Variants in PCDH15 observed in about 807,000 individuals in gnomAD.
The protein encoded by PCDH15 is protocadherin-15.
Under a neutral mutation model 178.5 loss-of-function variants are expected in PCDH15, and 129 were observed. The observed-to-expected ratio is 0.72, with a 90% CI of 0.63 to 0.84. PCDH15 has a LOEUF of 0.84. Ranked by LOEUF, PCDH15 falls within the 40% of genes least tolerant of loss-of-function variation. The pLI is 0.00. For synonymous variants in PCDH15, 800 were observed against 732.0 expected (o/e 1.09, Z -1.50); for missense variants, 2,230 against 2,099.9 (o/e 1.06, Z -1.21).
intron 18 of PCDH15, among the ~76,000 whole-genome samples, chr10:54,030,764 C>T (rs2093269499): frequency 1.3e-5 from 2 of 152,006 alleles, no homozygotes; most frequent in Non-Finnish European, 2.9e-5. Context: ...TTATATCCCT[C>T]AGACTAACTC....
At chr10:54,316,835 C>T (rs2061306765) in intron 8 of PCDH15, among the ~76,000 whole-genome samples, 1 of 152,128 alleles carries the variant, frequency 6.6e-6, no homozygotes, top group South Asian at 2.1e-4. Context: ...TTAGCTCCTA[C>T]CTTCAAACGG....
intron 2 of PCDH15, among the ~76,000 whole-genome samples, chr10:54,608,743 T>C (rs2092856966): frequency 6.6e-6 from 1 of 152,078 alleles, no homozygotes; most frequent in Admixed American, 6.6e-5. Flanking sequence ...TAAGGGTGTC[T>C]TGGCTTGTTT....
chr10:55,194,244 C>T (rs542064384), intron 1 of PCDH15, among the ~76,000 whole-genome samples: 3 of 152,108 alleles, frequency 2.0e-5, no homozygotes, highest in South Asian at 2.1e-4. Flanking sequence ...ATTACAATTT[C>T]CCCTTGGTGT....
chr10:54,221,088 G>A (rs1253950515), intron 9 of PCDH15, among the ~76,000 whole-genome samples: 1 of 152,046 alleles, frequency 6.6e-6, no homozygotes, highest in East Asian at 1.9e-4. Flanking sequence ...ACCTACTGGG[G>A]AGGTTCTTTA....
chr10:55,601,976 A>G (rs1039514653), intron 2 of PCDH15, among the ~76,000 whole-genome samples: 1 of 152,076 alleles, frequency 6.6e-6, no homozygotes, highest in Admixed American at 6.5e-5. Context: ...CATCTGAGGT[A>G]CCAGGTTCAT....
intron 28 of PCDH15, among the ~76,000 whole-genome samples, chr10:53,850,371 T>A (rs993589832): frequency 6.6e-5 from 10 of 152,122 alleles, no homozygotes; most frequent in Non-Finnish European, 1.0e-4. Context: ...TATCTTCAGT[T>A]CTGTAAAGAA....
At chr10:55,416,361 T>C (rs147687188) in intron 2 of PCDH15, among the ~76,000 whole-genome samples, 349 of 151,902 alleles carry the variant, frequency 2.3e-3, no homozygotes, top group African/African-American at 8.0e-3. Flanking sequence ...TAAGCCTTGC[T>C]ATCCATCATA....
chr10:54,081,649 A>T (rs1387666004), intron 16 of PCDH15, among the ~76,000 whole-genome samples: 5 of 152,138 alleles, frequency 3.3e-5, no homozygotes, highest in African/African-American at 1.2e-4. Context: ...GAAATAGCTC[A>T]CAAAAAGTCT....
At chr10:53,825,125 T>C (rs2076591702) in intron 32 of PCDH15, 2 of 1,540,352 alleles carry the variant, frequency 1.3e-6, no homozygotes, top group East Asian at 4.8e-5. Context: ...AGAGTGATAT[T>C]ATTTACTTAC....
At chr10:54,620,677 T>C (rs948117635) in intron 2 of PCDH15, among the ~76,000 whole-genome samples, 1 of 152,070 alleles carries the variant, frequency 6.6e-6, no homozygotes, top group Non-Finnish European at 1.5e-5. Flanking sequence ...TAGTAGTATA[T>C]GACAATCATA....
chr10:55,418,942 A>G (rs1220586334), intron 2 of PCDH15, among the ~76,000 whole-genome samples: 1 of 151,796 alleles, frequency 6.6e-6, no homozygotes, highest in Non-Finnish European at 1.5e-5. Context: ...TTCTTTTTAT[A>G]TATTCCTACT....
At chr10:55,068,542 G>C (rs562240161) in intron 2 of PCDH15, among the ~76,000 whole-genome samples, 2 of 152,050 alleles carry the variant, frequency 1.3e-5, no homozygotes, top group Middle Eastern at 3.4e-3. Flanking sequence ...CTTCAGCTTT[G>C]TTTTATTTTG....
chr10:54,408,165 T>TAA (rs201515436), intron 3 of PCDH15, among the ~76,000 whole-genome samples: 6 of 150,468 alleles, frequency 4.0e-5, no homozygotes, highest in African/African-American at 1.5e-4. Context: ...AGCTGTTTTT[T>TAA]TAAAAAAAAA....
chr10:54,284,282 G>A (rs1209719123), intron 8 of PCDH15, among the ~76,000 whole-genome samples: 6 of 152,260 alleles, frequency 3.9e-5, no homozygotes, highest in African/African-American at 1.4e-4. Context: ...TTAAATCAGA[G>A]AAAACAAATT....
intron 2 of PCDH15, among the ~76,000 whole-genome samples, chr10:55,424,251 A>G (rs551363776): frequency 6.6e-6 from 1 of 152,158 alleles, no homozygotes; most frequent in East Asian, 1.9e-4. Context: ...GTTGGGATAG[A>G]ACTAATTATT....
rs1027383217 is a variant in PCDH15 at position 54,853,442 on chromosome 10, T to C, written c.-29+44008A>G. ...ATACATATATATATACACATACACA[T>C]ATATATATATACACATACATATATA... On this transcript the variant is annotated intron_variant, in intron 3 of 5. Transcript: ENST00000458638. Among the ~76,000 whole-genome samples, 171 of 81,024 alleles carry C rather than the reference T, an allele frequency of 2.1e-3. 1 individual carries two copies. The highest frequency in any genetic ancestry group is 5.8e-3 in the African/African-American group (146 of 25,254). 53.2% of individuals were successfully genotyped at this position (81,024 alleles called of 152,430 possible).
At chr10:55,351,573 T>C (rs556152352) in intron 2 of PCDH15, among the ~76,000 whole-genome samples, 11 of 152,284 alleles carry the variant, frequency 7.2e-5, no homozygotes, top group Admixed American at 3.3e-4. Flanking sequence ...CCCCTTTTTG[T>C]TTCAAATTCA....
intron 28 of PCDH15, among the ~76,000 whole-genome samples, chr10:53,847,667 G>C (rs2078065173): frequency 6.6e-6 from 1 of 151,998 alleles, no homozygotes; most frequent in Non-Finnish European, 1.5e-5. Flanking sequence ...TTTTTGTTTA[G>C]CTTGTTTGCT....
At chr10:54,565,730 A>C (rs1015441610) in intron 2 of PCDH15, among the ~76,000 whole-genome samples, 2 of 152,184 alleles carry the variant, frequency 1.3e-5, no homozygotes, top group African/African-American at 4.8e-5. Context: ...GTTTTCTTTT[A>C]TGCAGATTAT....
Sources: gnomAD v4.1 joint callset for allele counts (sites outside exome capture counted in the v4.1 genomes callset) on GRCh38, gnomAD v4.1.1 for gene constraint, MANE v1.5 for transcripts, NCBI Gene and HGNC (gene_info 2026-07-23, HGNC 2026-07-21) for gene names.